The following CELF4 variants were observed in gnomAD, a reference collection of about 807,000 sequenced individuals.
CELF4 encodes the protein CUGBP Elav-like family member 4.
In CELF4, 18 loss-of-function variants were observed where a neutral mutation model predicts 59.9. That is an observed-to-expected ratio of 0.30 (90% CI 0.21 to 0.45). The LOEUF (loss-of-function observed/expected upper bound fraction) is 0.45. Ranked by LOEUF, CELF4 falls within the 20% of genes least tolerant of loss-of-function variation. The pLI is 1.00. For missense variants in CELF4, 456 were observed against 689.0 expected (o/e 0.66, Z 3.79); for synonymous variants, 261 against 267.1 (o/e 0.98, Z 0.22).
At chr18:37,383,576 T>C (rs1182211886) in intron 2 of CELF4, among the ~76,000 whole-genome samples, 2 of 152,194 alleles carry the variant, frequency 1.3e-5, no homozygotes, top group Non-Finnish European at 2.9e-5. Flanking sequence ...AATACAGAAG[T>C]CTGTAATATG....
intron 12 of CELF4, among the ~76,000 whole-genome samples, chr18:37,248,770 C>A (rs1287144985): frequency 1.3e-5 from 2 of 152,208 alleles, no homozygotes; most frequent in African/African-American, 2.4e-5. Flanking sequence ...TGCACCTGGG[C>A]CCCTTTGGGG....
At chr18:37,557,667 C>T (rs990210191) in intron 1 of CELF4, among the ~76,000 whole-genome samples, 1 of 152,176 alleles carries the variant, frequency 6.6e-6, no homozygotes, top group East Asian at 1.9e-4. Flanking sequence ...TTGTCCAGAG[C>T]CGGCCTTCGG....
At chr18:37,495,116 CTG>C (rs1446111000) in intron 1 of CELF4, among the ~76,000 whole-genome samples, 2 of 152,198 alleles carry the variant, frequency 1.3e-5, no homozygotes, top group African/African-American at 4.8e-5. Context: ...AACCTAGAAA[CTG>C]AACTATGTTC....
At chr18:37,403,037 C>G (rs2099348385) in intron 2 of CELF4, among the ~76,000 whole-genome samples, 1 of 152,074 alleles carries the variant, frequency 6.6e-6, no homozygotes, top group South Asian at 2.1e-4. Context: ...GGCTCTCCAG[C>G]CCCAGGAAGG....
At chr18:37,300,870 G>A (rs1303617828) in intron 3 of CELF4, among the ~76,000 whole-genome samples, 3 of 152,194 alleles carry the variant, frequency 2.0e-5, no homozygotes, top group Non-Finnish European at 2.9e-5. Context: ...GGCAGAGGGA[G>A]CAGCTAGTGC....
chr18:37,351,984 G>A (rs1472922406), intron 2 of CELF4, among the ~76,000 whole-genome samples: 1 of 152,182 alleles, frequency 6.6e-6, no homozygotes, highest in Non-Finnish European at 1.5e-5. Context: ...AGCCAAGGGA[G>A]TGGCCAGCAG....
At chr18:37,421,727 G>C (rs1204816794) in intron 2 of CELF4, among the ~76,000 whole-genome samples, 1 of 152,248 alleles carries the variant, frequency 6.6e-6, no homozygotes, top group Non-Finnish European at 1.5e-5. Flanking sequence ...TTCGGTCATT[G>C]CTCTCTCTTT....
At chr18:37,310,055 C>T (rs1005050570) in intron 3 of CELF4, among the ~76,000 whole-genome samples, 1 of 151,938 alleles carries the variant, frequency 6.6e-6, no homozygotes, top group African/African-American at 2.4e-5. Context: ...ACCCCTGCCA[C>T]CTCCTCTCTT....
intron 1 of CELF4, among the ~76,000 whole-genome samples, chr18:37,529,456 A>T (rs2099967231): frequency 6.6e-6 from 1 of 152,190 alleles, no homozygotes. Context: ...TGCATGAGGG[A>T]GCTCACGGAG....
intron 2 of CELF4, among the ~76,000 whole-genome samples, chr18:37,352,949 C>T (rs531966536): frequency 4.7e-4 from 72 of 152,044 alleles, no homozygotes; most frequent in East Asian, 1.6e-3. Flanking sequence ...TGGCCGGGCG[C>T]GGTAGCTCAC....
chr18:37,410,679 C>T (rs909972021), intron 2 of CELF4, among the ~76,000 whole-genome samples: 2 of 152,172 alleles, frequency 1.3e-5, no homozygotes, highest in African/African-American at 2.4e-5. Context: ...GCCCAGCAAT[C>T]GCATATTGTA....
At chr18:37,565,201 C>T (rs1374584370) in intron 1 of CELF4, among the ~76,000 whole-genome samples, 155 bp downstream of exon 1, 7 of 152,166 alleles carry the variant, frequency 4.6e-5, no homozygotes, top group African/African-American at 1.7e-4. Context: ...CCACGCACCC[C>T]AGCTCTGGTC....
chr18:37,280,919 T>C (rs1025769862), intron 3 of CELF4, among the ~76,000 whole-genome samples: 70 of 152,316 alleles, frequency 4.6e-4, no homozygotes, highest in African/African-American at 1.6e-3. Flanking sequence ...ATAAAAAGCA[T>C]TGGGTGACAC....
intron 1 of CELF4, among the ~76,000 whole-genome samples, chr18:37,507,178 T>C (rs1008848095): frequency 6.6e-6 from 1 of 152,192 alleles, no homozygotes; most frequent in Non-Finnish European, 1.5e-5. Flanking sequence ...AGCACGATGG[T>C]CTCATATGCT....
At chr18:37,332,411 G>C (rs1401152025) in intron 2 of CELF4, among the ~76,000 whole-genome samples, 1 of 152,200 alleles carries the variant, frequency 6.6e-6, no homozygotes, top group Admixed American at 6.5e-5. Flanking sequence ...GCTCTGCTCA[G>C]CAGTGTCCAG....
intron 2 of CELF4, among the ~76,000 whole-genome samples, chr18:37,437,168 A>G (rs555720833): frequency 1.3e-5 from 2 of 152,250 alleles, no homozygotes; most frequent in South Asian, 2.1e-4. Context: ...TTGACTCTCA[A>G]TGCAGGCCCC....
intron 2 of CELF4, among the ~76,000 whole-genome samples, chr18:37,337,589 C>T (rs1006765990): frequency 6.6e-6 from 1 of 152,184 alleles, no homozygotes; most frequent in African/African-American, 2.4e-5. Context: ...GGAGGAAATG[C>T]CCCTGCAAGG....
In CELF4 at chr18:37,428,126, C is replaced by A. The variant is rs115413210; in HGVS notation, c.369+57399G>T. Reference sequence around the variant, plus strand: ...AATTGGTGGGTGGTAAAGCAATTAGCCCTAGAGCTTTCAAAAATAATGAAT... The same window carrying A: ...AATTGGTGGGTGGTAAAGCAATTAGACCTAGAGCTTTCAAAAATAATGAAT... On this transcript the variant is annotated intron_variant, in intron 2 of 12. Transcript: ENST00000420428. Among the ~76,000 whole-genome samples the A allele has an allele frequency of 6.5e-3, 993 of 152,296 alleles. 18 individuals carry two copies. Among genetic ancestry groups the A allele is most frequent in the African/African-American group, 0.023 (956 of 41,556 alleles).
intron 2 of CELF4, among the ~76,000 whole-genome samples, chr18:37,348,484 C>T (rs1255372305): frequency 2.0e-5 from 3 of 152,190 alleles, no homozygotes; most frequent in African/African-American, 7.2e-5. Context: ...GCTCCACAAC[C>T]CTGCTTCTCT....
Sources: gnomAD v4.1 joint callset for allele counts (sites outside exome capture counted in the v4.1 genomes callset) on GRCh38, gnomAD v4.1.1 for gene constraint, MANE v1.5 for transcripts, NCBI Gene and HGNC (gene_info 2026-07-23, HGNC 2026-07-21) for gene names.